The following COL28A1 variants were observed in gnomAD, a reference collection of about 807,000 sequenced individuals.
COL28A1 encodes collagen alpha-1(XXVIII) chain.
COL28A1 carries 161 observed loss-of-function variants against 150.2 expected under a neutral mutation model. The ratio of observed to expected loss-of-function variants is 1.07; its 90% CI spans 0.94 to 1.22. The LOEUF (loss-of-function observed/expected upper bound fraction) is 1.22. Ranked by LOEUF, COL28A1 falls within the 50% of genes most tolerant of loss-of-function variation. COL28A1 has a pLI of 0.00. For synonymous variants in COL28A1, 552 were observed against 469.7 expected (o/e 1.18, Z -2.26); for missense variants, 1,617 against 1,388.3 (o/e 1.16, Z -2.62).
At chr7:7,354,919 C>T (rs558439993), downstream of COL28A1, among the ~76,000 whole-genome samples, 99 of 152,144 alleles carry the variant, frequency 6.5e-4, no homozygotes, top group South Asian at 0.014. Flanking sequence ...TTACCTGGCA[C>T]GAAGATGGTT....
In COL28A1 at chr7:7,474,687, G is replaced by T; in HGVS notation, c.1234-18C>A. 1.8e-6 allele frequency: 2 copies of T among 1,091,314 alleles called. No individual in the cohort carries two copies. Among genetic ancestry groups the T allele is most frequent in the Non-Finnish European group, 1.4e-6 (1 of 703,108 alleles). The allele number at this position is 1,091,314 out of a possible 1,614,324, so 67.6% of individuals were successfully genotyped here. ...TTTTCACCCTGAAAGTACAAGGGAGGGATATCAATGCACCAACCAAAATCT... is the reference window on the plus strand; with the variant it reads ...TTTTCACCCTGAAAGTACAAGGGAGTGATATCAATGCACCAACCAAAATCT... On this transcript the variant is annotated intron_variant, in intron 14 of 34. Transcript: ENST00000399429.
At chr7:7,460,624 C>T (rs550020295) in intron 15 of COL28A1, among the ~76,000 whole-genome samples, 11 of 152,266 alleles carry the variant, frequency 7.2e-5, no homozygotes, top group Admixed American at 2.0e-4. Context: ...CCTCGTGATC[C>T]GCCCGCCTCA....
the COL28A1 span, among the ~76,000 whole-genome samples, chr7:7,346,596 T>C: frequency 6.6e-6 from 1 of 152,088 alleles, no homozygotes; most frequent in African/African-American, 2.4e-5. Flanking sequence ...TATGTTCATG[T>C]CTATTTTATA....
At position 7,520,107 on chromosome 7, in the gene COL28A1, A is replaced by G. The variant is rs1228926539; in HGVS notation, c.768T>C (p.His256=). The change falls in exon 6 of 35, where the codon CAT becomes CAC. Residue 256 remains histidine (H), a synonymous_variant. Transcript: ENST00000399429. ...GCTCACCTTTGATACCTGGATTTCC[A>G]TGTGTACCCTGAAGGCAAAGGGAAA... ...DPGDPGPPGT[H]GNPGIKGERG... 1.5e-6 allele frequency: 2 copies of G among 1,347,062 alleles called. No individual in the cohort carries two copies. Among genetic ancestry groups the G allele is most frequent in the African/African-American group, 1.4e-5 (1 of 70,016 alleles). 83.4% of individuals were successfully genotyped at this position (1,347,062 alleles called of 1,614,324 possible). A position where few individuals can be genotyped will look rare whatever the true frequency, so the allele number is the denominator to read the frequency against.
chr7:7,431,904 G>T (rs191124599), intron 25 of COL28A1, among the ~76,000 whole-genome samples: 1 of 152,206 alleles, frequency 6.6e-6, no homozygotes, highest in Non-Finnish European at 1.5e-5. Flanking sequence ...ACTAGGTGTG[G>T]AGGAAGGAGA....
chr7:7,507,022 T>C, intron 10 of COL28A1, 95 bp downstream of exon 10: 1 of 700,814 alleles, frequency 1.4e-6, no homozygotes, highest in Non-Finnish European at 2.5e-6. Context: ...GACATTCTGA[T>C]TTAACTGGCA....
chr7:7,481,440 A>G (rs1302783268), intron 13 of COL28A1, among the ~76,000 whole-genome samples: 1 of 152,232 alleles, frequency 6.6e-6, no homozygotes, highest in Non-Finnish European at 1.5e-5. Context: ...ACTTGGGTTA[A>G]ATGGTTATAG....
intron 27 of COL28A1, among the ~76,000 whole-genome samples, chr7:7,417,183 C>T (rs1050727467): frequency 2.8e-4 from 43 of 151,882 alleles, no homozygotes; most frequent in African/African-American, 9.7e-4. Context: ...ACATGAGAGA[C>T]CCTGAGAGTC....
At chr7:7,339,415 T>C in the COL28A1 span, among the ~76,000 whole-genome samples, 1 of 152,158 alleles carries the variant, frequency 6.6e-6, no homozygotes. Context: ...GATATAAACC[T>C]TACCAAACCT....
At chr7:7,444,852 C>T (rs1786128854) in intron 18 of COL28A1, among the ~76,000 whole-genome samples, 1 of 152,116 alleles carries the variant, frequency 6.6e-6, no homozygotes, top group South Asian at 2.1e-4. Context: ...TGTCCCCACC[C>T]AAATCTTATT....
chr7:7,494,090 T>C (rs1780073472), intron 11 of COL28A1, among the ~76,000 whole-genome samples: 1 of 152,164 alleles, frequency 6.6e-6, no homozygotes, highest in Non-Finnish European at 1.5e-5. Flanking sequence ...GCAAAAAGTT[T>C]AGGTAAACCA....
At chr7:7,374,548 A>C (rs1246989011) in intron 31 of COL28A1, among the ~76,000 whole-genome samples, 1 of 152,190 alleles carries the variant, frequency 6.6e-6, no homozygotes. Flanking sequence ...AATTTAAAAA[A>C]ACCTTCCATT....
At chr7:7,408,300 C>T (rs13438584) in intron 27 of COL28A1, among the ~76,000 whole-genome samples, 4,550 of 152,162 alleles carry the variant, frequency 0.03, 231 homozygotes, top group African/African-American at 0.1. Flanking sequence ...ATACTCAAAC[C>T]TTCATTATCT....
chr7:7,525,514 C>T (rs1374209965), intron 3 of COL28A1, among the ~76,000 whole-genome samples: 1 of 152,114 alleles, frequency 6.6e-6, no homozygotes, highest in African/African-American at 2.4e-5. Context: ...CTTGTGATTT[C>T]ATCTGAAGGG....
intron 3 of COL28A1, among the ~76,000 whole-genome samples, chr7:7,529,068 G>T (rs1031863732): frequency 6.6e-6 from 1 of 151,908 alleles, no homozygotes; most frequent in African/African-American, 2.4e-5. Context: ...TTGGGAGGCC[G>T]AGGCGGGCAG....
intron 13 of COL28A1, among the ~76,000 whole-genome samples, chr7:7,479,623 A>G (rs1313467696): frequency 2.0e-5 from 3 of 152,238 alleles, no homozygotes; most frequent in African/African-American, 4.8e-5. Flanking sequence ...GCAGTTTTAT[A>G]TGCAAATTGA....
the COL28A1 span, among the ~76,000 whole-genome samples, chr7:7,346,932 A>G: frequency 6.6e-6 from 1 of 152,124 alleles, no homozygotes; most frequent in Non-Finnish European, 1.5e-5. Context: ...GATAAGTATT[A>G]TCTATAGGGT....
intron 3 of COL28A1, among the ~76,000 whole-genome samples, chr7:7,528,219 A>G (rs1213822291): frequency 6.6e-6 from 1 of 152,210 alleles, no homozygotes; most frequent in Middle Eastern, 3.2e-3. Flanking sequence ...CAATAGAGGG[A>G]AAAAATTGTC....
intron 11 of COL28A1, among the ~76,000 whole-genome samples, chr7:7,500,897 G>A (rs562491793): frequency 2.0e-5 from 3 of 152,256 alleles, no homozygotes; most frequent in African/African-American, 7.2e-5. Flanking sequence ...AAGCTTCAGG[G>A]TGAACTAAAT....
Sources: allele counts gnomAD v4.1 joint callset (sites outside exome capture counted in the v4.1 genomes callset), GRCh38; gene constraint gnomAD v4.1.1; transcripts MANE v1.5; gene names NCBI Gene and HGNC (gene_info 2026-07-23, HGNC 2026-07-21).